Variants in OTUD7B observed in about 807,000 individuals in gnomAD.
The protein encoded by OTUD7B is OTU domain-containing protein 7B.
Under a neutral mutation model 82.2 loss-of-function variants are expected in OTUD7B, and 34 were observed. The ratio of observed to expected loss-of-function variants is 0.41; its 90% CI spans 0.31 to 0.55. The LOEUF (loss-of-function observed/expected upper bound fraction) is 0.55. Ranked by LOEUF, OTUD7B falls within the 20% of genes least tolerant of loss-of-function variation. The pLI, the probability that OTUD7B is intolerant of heterozygous loss-of-function variation, is 0.20. For synonymous variants in OTUD7B, 398 were observed against 402.7 expected, an observed-to-expected ratio of 0.99 and a Z score of 0.14; for missense variants, 944 against 1,062.1, an observed-to-expected ratio of 0.89 and a Z score of 1.55.
upstream of OTUD7B, among the ~76,000 whole-genome samples, chr1:150,011,312 T>C (rs782426269): frequency 6.6e-6 from 1 of 152,152 alleles, no homozygotes; most frequent in Non-Finnish European, 1.5e-5. Flanking sequence ...ATAGTGCGTT[T>C]GTTATGTCTT....
intron 1 of OTUD7B, among the ~76,000 whole-genome samples, chr1:149,983,389 A>G (rs1026259124): frequency 3.9e-5 from 6 of 152,154 alleles, no homozygotes; most frequent in African/African-American, 1.4e-4. Context: ...TGCACAATTC[A>G]TCTAACATTT....
intron 1 of OTUD7B, among the ~76,000 whole-genome samples, chr1:149,979,456 A>G (rs183848688): frequency 1.4e-4 from 21 of 152,246 alleles, no homozygotes; most frequent in Non-Finnish European, 1.3e-4. Context: ...TATAATCTAG[A>G]CTTGTATTAG....
intron 1 of OTUD7B, among the ~76,000 whole-genome samples, chr1:149,998,986 T>G (rs1652099597): frequency 6.6e-6 from 1 of 152,226 alleles, no homozygotes; most frequent in Admixed American, 6.5e-5. Flanking sequence ...CCATGTCCTA[T>G]GTAACCCAGA....
At chr1:149,979,338 G>A (rs1553779236) in intron 1 of OTUD7B, among the ~76,000 whole-genome samples, 1 of 152,094 alleles carries the variant, frequency 6.6e-6, no homozygotes, top group African/African-American at 2.4e-5. Flanking sequence ...CAACCATGCT[G>A]TCACAACTCT....
chr1:150,017,365 T>G, the OTUD7B span, among the ~76,000 whole-genome samples: 1 of 152,208 alleles, frequency 6.6e-6, no homozygotes. Context: ...AGATTGGGTG[T>G]GTTTCTAGTA....
intron 1 of OTUD7B, among the ~76,000 whole-genome samples, chr1:149,985,574 CA>C (rs1370211446): frequency 3.3e-5 from 5 of 151,878 alleles, no homozygotes; most frequent in African/African-American, 1.2e-4. Context: ...CCCATCTCTA[CA>C]AAAAAATTAA....
chr1:150,011,359 A>G (rs587653923), upstream of OTUD7B, among the ~76,000 whole-genome samples: 10 of 152,332 alleles, frequency 6.6e-5, no homozygotes, highest in East Asian at 1.7e-3. Context: ...ACATTATGGC[A>G]TAATTCAAAT....
chr1:149,949,142 A>G, intron 9 of OTUD7B, 59 bp from the exon 10 acceptor site: 1 of 1,034,756 alleles, frequency 9.7e-7, no homozygotes, highest in Non-Finnish European at 1.5e-6. Flanking sequence ...GTAACTGAAC[A>G]CAGACTTATT....
Position 150,010,623 on chromosome 1 carries a change from G to C in OTUD7B, c.-242C>G, listed in dbSNP as rs2101958119. On this transcript the variant is annotated 5_prime_UTR_variant, in exon 1 of 12. Coordinates refer to ENST00000581312, the MANE Select transcript of OTUD7B (RefSeq NM_020205.4). ...GCTGTTGCTCCGCACGGGATCTGGA[G>C]CTGGAGCCAGAAAGGACTGATCGGG... The C allele has an allele frequency of 2.6e-5, 4 of 153,098 alleles. No homozygotes were observed. In the Middle Eastern group the frequency reaches 0.014, roughly 521 times the overall value. 9.5% of individuals were successfully genotyped at this position (153,098 alleles called of 1,614,324 possible).
Position 149,945,003 on chromosome 1 carries a change from A to G in OTUD7B, c.1386T>C (p.Pro462=), listed in dbSNP as rs782762952. 8 of 1,614,054 alleles carry G rather than the reference A, an allele frequency of 5.0e-6. No homozygotes were observed. The Admixed American group carries it at 1.3e-4, about 27-fold the overall frequency. ...ACTCCTTGTCTGAGTCTCCAGACTC[A>G]GGAGTGGACCGGGGCTCATCTCCAG... The part of the protein sequence containing the change: ...ASAGDEPRST[P]ESGDSDKESV... Residue 462 remains proline (P), a synonymous_variant, in exon 12 of 12, where the codon CCT becomes CCC. Coordinates refer to ENST00000581312, the MANE Select transcript of OTUD7B (RefSeq NM_020205.4).
intron 2 of OTUD7B, among the ~76,000 whole-genome samples, chr1:149,977,195 C>T (rs1274212236): frequency 6.6e-6 from 1 of 152,074 alleles, no homozygotes; most frequent in Non-Finnish European, 1.5e-5. Flanking sequence ...ACTTGCATTG[C>T]CTGAGCATAA....
chr1:150,001,597 A>G (rs1214828287), intron 1 of OTUD7B, among the ~76,000 whole-genome samples: 1 of 152,222 alleles, frequency 6.6e-6, no homozygotes, highest in Non-Finnish European at 1.5e-5. Flanking sequence ...GCTTCCAGTT[A>G]CACAGGAATT....
Position 149,949,569 on chromosome 1 carries a change from G to T in OTUD7B, c.1123+60C>A. 4 of 1,547,910 alleles carry T rather than the reference G, an allele frequency of 2.6e-6. No individual in the cohort carries two copies. In the South Asian group the frequency reaches 4.6e-5, roughly 18 times the overall value. On this transcript the variant is annotated intron_variant, in intron 9 of 11. Transcript: ENST00000581312. ...CACTTAATTCTTTCCTCCTACATTA[G>T]ATCTCATTCAATTTTTTCAAGTGAA... is the stretch of plus-strand genomic sequence containing the variant.
the OTUD7B span, among the ~76,000 whole-genome samples, chr1:150,050,722 T>A: frequency 2.0e-5 from 3 of 152,128 alleles, no homozygotes; most frequent in Admixed American, 6.6e-5. Context: ...CTCATTCACA[T>A]AACAATTACT....
upstream of OTUD7B, among the ~76,000 whole-genome samples, chr1:150,014,241 T>TAAA (rs587715026): frequency 6.9e-6 from 1 of 144,298 alleles, no homozygotes; most frequent in African/African-American, 2.6e-5. Flanking sequence ...TCTACAAAAA[T>TAAA]AAAAAAAAAT....
chr1:150,005,197 T>C (rs1652584390), intron 1 of OTUD7B, among the ~76,000 whole-genome samples: 1 of 152,224 alleles, frequency 6.6e-6, no homozygotes, highest in South Asian at 2.1e-4. Flanking sequence ...AAGTATTCAT[T>C]CCTTTTTATT....
chr1:149,974,417 T>C (rs1650146444), intron 2 of OTUD7B, among the ~76,000 whole-genome samples: 1 of 152,116 alleles, frequency 6.6e-6, no homozygotes, highest in African/African-American at 2.4e-5. Context: ...AATCCAATCA[T>C]GTCACTCCCC....
the OTUD7B span, among the ~76,000 whole-genome samples, chr1:150,064,783 G>C: frequency 6.6e-6 from 1 of 152,278 alleles, no homozygotes; most frequent in South Asian, 2.1e-4. Flanking sequence ...TGGCTTATGA[G>C]AGAAGTGTTA....
At chr1:150,062,820 T>C in the OTUD7B span, among the ~76,000 whole-genome samples, 4 of 146,580 alleles carry the variant, frequency 2.7e-5, no homozygotes, top group Admixed American at 7.0e-5. Flanking sequence ...GTTTAAGCGA[T>C]TCTCCTGCCT....
Sources: allele counts gnomAD v4.1 joint callset (sites outside exome capture counted in the v4.1 genomes callset), GRCh38; gene constraint gnomAD v4.1.1; transcripts MANE v1.5; gene names NCBI Gene and HGNC (gene_info 2026-07-23, HGNC 2026-07-21).